Variants in FGD6 observed in about 807,000 individuals in gnomAD.
The protein encoded by FGD6 is FYVE, RhoGEF and PH domain-containing protein 6.
FGD6 carries 90 observed loss-of-function variants against 149.4 expected under a neutral mutation model. That is an observed-to-expected ratio of 0.60 (90% confidence interval 0.51 to 0.72). FGD6 has a LOEUF of 0.72. FGD6 is among the 30% of genes least tolerant of loss of function. The pLI, the probability that FGD6 is intolerant of heterozygous loss-of-function variation, is 0.00. For synonymous variants in FGD6, 527 were observed against 584.0 expected (o/e 0.90, Z 1.41); for missense variants, 1,437 against 1,684.8 (o/e 0.85, Z 2.57).
chr12:95,134,729 AG>A lies in FGD6; in HGVS notation c.3082+9del, dbSNP rs1879619171. 4 of 1,612,688 alleles carry A rather than the reference AG, an allele frequency of 2.5e-6. No homozygotes were observed. In the East Asian group the frequency reaches 8.9e-5, roughly 36 times the overall value. ...AACTGGGTGGTTGGCAAAATGCTGG[AG>A]AAGCCCACCTGTCAGCAACAGCCTG... On this transcript the variant is annotated intron_variant, in intron 8 of 20. Coordinates refer to ENST00000343958, the MANE Select transcript of FGD6 (RefSeq NM_018351.4).
chr12:95,163,621 C>T (rs1169106208), intron 3 of FGD6, among the ~76,000 whole-genome samples: 1 of 152,158 alleles, frequency 6.6e-6, no homozygotes, highest in African/African-American at 2.4e-5. Flanking sequence ...TGAGACAGAG[C>T]ATATTGCTTT....
intron 3 of FGD6, among the ~76,000 whole-genome samples, chr12:95,157,051 C>T (rs1405742974): frequency 6.6e-6 from 1 of 152,072 alleles, no homozygotes; most frequent in Non-Finnish European, 1.5e-5. Context: ...CCCACACATC[C>T]ACTCTCCCAC....
rs747229801 is a variant in FGD6, at chr12:95,210,936, A to G, written c.348T>C (p.Cys116=). Residue 116 remains cysteine, a synonymous_variant, in exon 2 of 21, where the codon TGT becomes TGC. Coordinates refer to ENST00000343958, the MANE Select transcript of FGD6 (RefSeq NM_018351.4). Reference sequence around the variant, plus strand: ...TCTCTCTATGGCCCAGCTTATGGATACACTCAGAACTGCAGGAACACATTG... The same window carrying G: ...TCTCTCTATGGCCCAGCTTATGGATGCACTCAGAACTGCAGGAACACATTG... ...ISPMCSCSSE[C]IHKLGHRENL... is the part of the protein sequence containing the mutation. The G allele has an allele frequency of 6.2e-7, 1 of 1,614,214 alleles. No individual in the cohort carries two copies. Among genetic ancestry groups the G allele is most frequent in the Non-Finnish European group, 8.5e-7 (1 of 1,180,042 alleles).
At chr12:95,150,733 T>C (rs1880286317) in intron 5 of FGD6, among the ~76,000 whole-genome samples, 1 of 151,920 alleles carries the variant, frequency 6.6e-6, no homozygotes, top group African/African-American at 2.4e-5. Flanking sequence ...CTCAGCCTCC[T>C]GAATAGGTGG....
intron 7 of FGD6, among the ~76,000 whole-genome samples, chr12:95,135,896 A>G (rs1879651654): frequency 6.6e-6 from 1 of 152,180 alleles, no homozygotes; most frequent in African/African-American, 2.4e-5. Flanking sequence ...CTGGACTCTT[A>G]CCAAAACCTG....
chr12:95,113,512 A>G (rs1878905375), intron 9 of FGD6, 139 bp downstream of exon 9: 1 of 663,892 alleles, frequency 1.5e-6, no homozygotes, highest in Non-Finnish European at 2.6e-6. Context: ...CTGGGATTAC[A>G]GGTGTGAGCC....
chr12:95,094,577 AG>A lies in FGD6; in HGVS notation c.3600+14del, dbSNP rs762781736. On this transcript the variant is annotated intron_variant, in intron 15 of 20. Coordinates refer to ENST00000343958, the MANE Select transcript of FGD6 (RefSeq NM_018351.4). ...GAAATGCACTGGAAAAAAAAAAAAA[AG>A]GAGAAAACAATACCTCATCAAGACT... 15 of 1,527,728 alleles carry A rather than the reference AG, an allele frequency of 9.8e-6. No homozygotes were observed. In the African/African-American group the frequency reaches 1.1e-4, roughly 11 times the overall value. 94.6% of individuals were successfully genotyped at this position (1,527,728 alleles called of 1,614,324 possible).
At chr12:95,125,110 A>C (rs192003863) in intron 8 of FGD6, among the ~76,000 whole-genome samples, 104 of 152,288 alleles carry the variant, frequency 6.8e-4, no homozygotes, top group African/African-American at 2.4e-3. Context: ...ACTTAAAAAA[A>C]ATTATTCTGA....
At position 95,198,740 on chromosome 12, in the gene FGD6, T is replaced by A. The variant is rs535334900; in HGVS notation, c.2441+10103A>T. The stretch of plus-strand genomic sequence containing the variant: ...CGTGAGCCACTGTGCCCGTCCACGA[T>A]TACTATTAAGCCTAAAACTCATGCT... On this transcript the variant is annotated intron_variant, in intron 2 of 20. Coordinates refer to ENST00000343958, the MANE Select transcript of FGD6 (RefSeq NM_018351.4). Among the ~76,000 whole-genome samples, 243 of 152,310 alleles carry A rather than the reference T, an allele frequency of 1.6e-3. 1 individual carries two copies. Among genetic ancestry groups the A allele is most frequent in the African/African-American group, 5.7e-3 (237 of 41,570 alleles).
intron 2 of FGD6, among the ~76,000 whole-genome samples, chr12:95,193,244 G>A (rs962918503): frequency 1.3e-5 from 2 of 152,098 alleles, no homozygotes; most frequent in African/African-American, 4.8e-5. Context: ...AGTGGAAATG[G>A]CCCAGATGTC....
chr12:95,198,650 A>G (rs537886788), intron 2 of FGD6, among the ~76,000 whole-genome samples: 2 of 152,174 alleles, frequency 1.3e-5, no homozygotes, highest in Non-Finnish European at 2.9e-5. Context: ...CGTGTTAGCC[A>G]GGATGTTCTC....
intron 2 of FGD6, among the ~76,000 whole-genome samples, chr12:95,180,519 G>A (rs1211882128): frequency 4.0e-5 from 6 of 151,634 alleles, no homozygotes; most frequent in Non-Finnish European, 7.4e-5. Flanking sequence ...CAGGCTCCCA[G>A]GCACTTGGGA....
chr12:95,160,004 C>G lies in FGD6; in HGVS notation c.2587-7011G>C, dbSNP rs554220126. On this transcript the variant is annotated intron_variant, in intron 3 of 20. Coordinates refer to ENST00000343958, the MANE Select transcript of FGD6 (RefSeq NM_018351.4). Reference sequence around the variant, plus strand: ...TTTGGGTGACAGGGTGAGAACCTGTCTCTTAAAAAAAAAAAAACAAAACCA... The same window carrying G: ...TTTGGGTGACAGGGTGAGAACCTGTGTCTTAAAAAAAAAAAAACAAAACCA... Among the ~76,000 whole-genome samples the G allele has an allele frequency of 3.4e-5, 5 of 149,010 alleles. No individual in the cohort carries two copies. In the South Asian group the frequency reaches 1.1e-3, roughly 32 times the overall value.
At chr12:95,146,523 T>TA (rs1240812350) in intron 5 of FGD6, among the ~76,000 whole-genome samples, 1 of 152,070 alleles carries the variant, frequency 6.6e-6, no homozygotes, top group African/African-American at 2.4e-5. Context: ...AATAAAATAT[T>TA]AAAATAGTGG....
Position 95,217,373 on chromosome 12 carries a change from G to A in FGD6, c.-133C>T. 2.3e-6 allele frequency: 3 copies of A among 1,322,934 alleles called. No individual in the cohort carries two copies. Among genetic ancestry groups the A allele is most frequent in the South Asian group, 3.3e-5 (2 of 60,798 alleles). The allele number at this position is 1,322,934 out of a possible 1,614,324, so 81.9% of individuals were successfully genotyped here. On this transcript the variant is annotated 5_prime_UTR_variant, in exon 1 of 21. Transcript: ENST00000343958. ...ACATTCCGTCCCGCCGCCCCGCGGC[G>A]CAGCCTGAGCGCCACACAAAGGACG...
chr12:95,156,901 A>C (rs1880489564), intron 3 of FGD6, among the ~76,000 whole-genome samples: 1 of 152,194 alleles, frequency 6.6e-6, no homozygotes, highest in Non-Finnish European at 1.5e-5. Flanking sequence ...TTCCCCCAAT[A>C]ACTATTAGCA....
chr12:95,134,780 T>C lies in FGD6; in HGVS notation c.3041A>G (p.Lys1014Arg), dbSNP rs1346207009. ...GTACTGGGGGATCCTCTGAACCGGC[T>C]TGAGCAGGTAGTGCTTGAGGGCCAG... ...ANLALKHYLLKPVQRIPQYRL... is the reference protein window; with the variant it reads ...ANLALKHYLLRPVQRIPQYRL... Residue 1014 changes from lysine to arginine, a missense_variant, in exon 8 of 21, where the codon AAG becomes AGG. Physicochemically the swap from Lys to Arg is conservative, Grantham distance 26. Coordinates refer to ENST00000343958, the MANE Select transcript of FGD6 (RefSeq NM_018351.4). 3 of 1,613,756 alleles carry C rather than the reference T, an allele frequency of 1.9e-6. No individual in the cohort carries two copies. Among genetic ancestry groups the C allele is most frequent in the African/African-American group, 1.3e-5 (1 of 74,888 alleles).
chr12:95,138,523 C>G (rs999282850), intron 6 of FGD6, among the ~76,000 whole-genome samples: 1 of 150,266 alleles, frequency 6.7e-6, no homozygotes, highest in East Asian at 1.9e-4. Context: ...CCAGCCTAGG[C>G]GACAGAGTGA....
intron 1 of FGD6, among the ~76,000 whole-genome samples, chr12:95,215,370 A>C (rs1052414820): frequency 6.6e-6 from 1 of 152,220 alleles, no homozygotes; most frequent in Non-Finnish European, 1.5e-5. Flanking sequence ...CTTAACTTCA[A>C]GTAACTTTCC....
Sources: gnomAD v4.1 joint callset for allele counts (sites outside exome capture counted in the v4.1 genomes callset) on GRCh38, gnomAD v4.1.1 for gene constraint, MANE v1.5 for transcripts, NCBI Gene and HGNC (gene_info 2026-07-23, HGNC 2026-07-21) for gene names.